Variants in PPP1R36 observed in about 807,000 individuals in gnomAD.
PPP1R36 encodes chromosome 14 open reading frame 50.
Under a neutral mutation model 53.4 loss-of-function variants are expected in PPP1R36, and 47 were observed. The observed-to-expected ratio is 0.88, with a 90% CI of 0.70 to 1.12. The LOEUF (loss-of-function observed/expected upper bound fraction) is 1.12, where lower values mean the gene tolerates loss of function less well. Among genes scored for constraint, PPP1R36 ranks in the 50% most tolerant of loss-of-function variants. The pLI is 0.00. For synonymous variants in PPP1R36, 153 were observed against 170.5 expected, an observed-to-expected ratio of 0.90 and a Z score of 0.80; for missense variants, 456 against 513.9, an observed-to-expected ratio of 0.89 and a Z score of 1.09.
chr14:64,573,006 T>TA (rs1190729034), intron 7 of PPP1R36, among the ~76,000 whole-genome samples: 1 of 152,132 alleles, frequency 6.6e-6, no homozygotes, highest in Non-Finnish European at 1.5e-5. Context: ...GTATTAAGGA[T>TA]AATAATAACT....
In PPP1R36 at chr14:64,579,901, C is replaced by T. The variant is rs368928836; in HGVS notation, c.668+5312C>T. On this transcript the variant is annotated intron_variant, in intron 8 of 11. Coordinates refer to ENST00000298705, the MANE Select transcript of PPP1R36 (RefSeq NM_172365.3). ...AGGAGAATAGCGTGAACCTGGGAGGCGCAGCTTGCAGTGAGCTGAGATCGC... is the reference window on the plus strand; with the variant it reads ...AGGAGAATAGCGTGAACCTGGGAGGTGCAGCTTGCAGTGAGCTGAGATCGC... Among the ~76,000 whole-genome samples the T allele has an allele frequency of 5.2e-3, 792 of 152,188 alleles. 4 individuals are homozygous for T. Among genetic ancestry groups the T allele is most frequent in the African/African-American group, 0.017 (725 of 41,502 alleles).
intron 3 of PPP1R36, among the ~76,000 whole-genome samples, chr14:64,563,161 C>T (rs540790205): frequency 7.2e-5 from 11 of 152,172 alleles, no homozygotes; most frequent in East Asian, 3.9e-4. Flanking sequence ...CCACCGTGCC[C>T]GGCCTCACTT....
chr14:64,554,416 GC>G (rs1284270330), intron 3 of PPP1R36, among the ~76,000 whole-genome samples: 1 of 152,122 alleles, frequency 6.6e-6, no homozygotes, highest in African/African-American at 2.4e-5. Flanking sequence ...CTCCCAAAGT[GC>G]TGGGATTACA....
At chr14:64,552,971 G>T in intron 3 of PPP1R36, 110 bp downstream of exon 3, 1 of 1,030,544 alleles carries the variant, frequency 9.7e-7, no homozygotes, top group Non-Finnish European at 1.4e-6. Flanking sequence ...AATATTAAGT[G>T]CCAATTTTTT....
chr14:64,550,375 C>T (rs2080084836), intron 1 of PPP1R36: 1 of 913,550 alleles, frequency 1.1e-6, no homozygotes, highest in Non-Finnish European at 1.4e-6. Context: ...AGCAGCCCCG[C>T]TCTGGATAGA....
chr14:64,576,273 G>A (rs891978198), intron 8 of PPP1R36, among the ~76,000 whole-genome samples: 1 of 151,468 alleles, frequency 6.6e-6, no homozygotes, highest in African/African-American at 2.4e-5. Flanking sequence ...TAGAGATGGG[G>A]TTTCACCATA....
chr14:64,562,361 T>C (rs1276076690), intron 3 of PPP1R36, among the ~76,000 whole-genome samples: 1 of 152,064 alleles, frequency 6.6e-6, no homozygotes, highest in Non-Finnish European at 1.5e-5. Flanking sequence ...CTTTGGAGGC[T>C]GAGGCAGGAG....
chr14:64,566,555 C>T (rs1325375351), intron 6 of PPP1R36, among the ~76,000 whole-genome samples: 1 of 152,106 alleles, frequency 6.6e-6, no homozygotes, highest in Non-Finnish European at 1.5e-5. Flanking sequence ...GTTTCTTGAC[C>T]TTTGTAAGCC....
At chr14:64,585,352 C>T (rs907590606) in intron 8 of PPP1R36, among the ~76,000 whole-genome samples, 4 of 151,828 alleles carry the variant, frequency 2.6e-5, no homozygotes, top group African/African-American at 4.8e-5. Context: ...CCCATCTCTA[C>T]AAAAAATACA....
chr14:64,574,282 G>C (rs982137195), intron 7 of PPP1R36, among the ~76,000 whole-genome samples, 173 bp from the exon 8 acceptor site: 1 of 152,220 alleles, frequency 6.6e-6, no homozygotes, highest in East Asian at 1.9e-4. Context: ...TTGAGCCCTG[G>C]AGGTTGAGGC....
intron 8 of PPP1R36, among the ~76,000 whole-genome samples, chr14:64,581,660 G>A: frequency 6.6e-6 from 1 of 151,796 alleles, no homozygotes; most frequent in Non-Finnish European, 1.5e-5. Context: ...CCCTAAGTGT[G>A]GGGGGTGGTC....
intron 7 of PPP1R36, among the ~76,000 whole-genome samples, chr14:64,571,236 C>T (rs866375280): frequency 6.6e-6 from 1 of 152,106 alleles, no homozygotes; most frequent in African/African-American, 2.4e-5. Flanking sequence ...AGTGATTCTC[C>T]TGCCTCAGCC....
At position 64,566,421 on chromosome 14, in the gene PPP1R36, C is replaced by A. The variant is rs201642240; in HGVS notation, c.434+729C>A. On this transcript the variant is annotated intron_variant, in intron 6 of 11. Coordinates refer to ENST00000298705, the MANE Select transcript of PPP1R36 (RefSeq NM_172365.3). ...TCATGCCATTGCACTTCAGCCTGGGCGACAGAGCAAGACTCCCTCTCAAAA... is the reference window on the plus strand; with the variant it reads ...TCATGCCATTGCACTTCAGCCTGGGAGACAGAGCAAGACTCCCTCTCAAAA... 4.9e-5 allele frequency among the ~76,000 whole-genome samples: 7 copies of A among 143,028 alleles called. No individual in the cohort carries two copies. The East Asian group carries it at 1.2e-3, about 25-fold the overall frequency. The allele number at this position is 143,028 out of a possible 152,430, so 93.8% of individuals were successfully genotyped here.
At chr14:64,574,399 A>T in intron 7 of PPP1R36, 56 bp from the exon 8 acceptor site, 1 of 1,534,720 alleles carries the variant, frequency 6.5e-7, no homozygotes, top group Non-Finnish European at 8.8e-7. Flanking sequence ...TTGCTAGTTA[A>T]TATAGGCACT....
chr14:64,567,133 A>G (rs2080265437), intron 6 of PPP1R36, among the ~76,000 whole-genome samples: 1 of 152,248 alleles, frequency 6.6e-6, no homozygotes, highest in Admixed American at 6.5e-5. Flanking sequence ...AAAATCTGTA[A>G]TGCTCACCCT....
chr14:64,558,639 CTT>C (rs200431215), intron 3 of PPP1R36, among the ~76,000 whole-genome samples: 5 of 143,282 alleles, frequency 3.5e-5, no homozygotes, highest in Admixed American at 6.9e-5. Flanking sequence ...TTTGTTTTGT[CTT>C]TTTTTTTTTT....
In PPP1R36 at chr14:64,550,070, A is replaced by C; in HGVS notation, c.69+4A>C. ...GCAGACCCCTTACTTGATGGATGTA[A>C]GTGCAGCCTTGGTCGCCCCCATACC... On this transcript the variant is annotated splice_donor_region_variant and intron_variant, in intron 1 of 11. Transcript: ENST00000298705. 6.4e-7 allele frequency: 1 copy of C among 1,558,760 alleles called. No homozygotes were observed.
intron 6 of PPP1R36, among the ~76,000 whole-genome samples, chr14:64,566,709 CA>C (rs1020365536): frequency 6.6e-6 from 1 of 152,234 alleles, no homozygotes; most frequent in African/African-American, 2.4e-5. Context: ...CACCCCTCCC[CA>C]TTCCCTCTGC....
intron 8 of PPP1R36, among the ~76,000 whole-genome samples, chr14:64,576,078 C>CTT (rs5809235): frequency 3.7e-5 from 4 of 109,004 alleles, no homozygotes; most frequent in African/African-American, 1.0e-4. Flanking sequence ...GACTGAGTAT[C>CTT]TTTTTTTTTT....
Sources: gnomAD v4.1 joint callset for allele counts (sites outside exome capture counted in the v4.1 genomes callset) on GRCh38, gnomAD v4.1.1 for gene constraint, MANE v1.5 for transcripts, NCBI Gene and HGNC (gene_info 2026-07-23, HGNC 2026-07-21) for gene names.